CFAP54: variants seen among roughly 807,000 people sequenced by gnomAD.
CFAP54 encodes the protein cilia and flagella associated protein 54.
CFAP54 carries 290 observed loss-of-function variants against 370.4 expected under a neutral mutation model. The observed-to-expected ratio is 0.78, with a 90% CI of 0.71 to 0.86. CFAP54 has a LOEUF of 0.86. Ranked by LOEUF, CFAP54 falls within the 40% of genes least tolerant of loss-of-function variation. CFAP54 has a pLI of 0.00. For synonymous variants in CFAP54, 1,206 were observed against 1,236.5 expected, an observed-to-expected ratio of 0.98 and a Z score of 0.52; for missense variants, 3,399 against 3,528.7, an observed-to-expected ratio of 0.96 and a Z score of 0.93.
chr12:96,507,152 A>G lies in CFAP54; in HGVS notation c.739+53A>G, dbSNP rs939357740. The G allele has an allele frequency of 1.6e-5, 22 of 1,351,562 alleles. No homozygotes were observed. The Middle Eastern group carries it at 2.2e-3, about 135-fold the overall frequency. The allele number at this position is 1,351,562 out of a possible 1,614,324, so 83.7% of individuals were successfully genotyped here. A position where few individuals can be genotyped will look rare whatever the true frequency, so the allele number is the denominator to read the frequency against. On this transcript the variant is annotated intron_variant, in intron 4 of 67. Coordinates refer to ENST00000524981, the MANE Select transcript of CFAP54 (RefSeq NM_001306084.2). ...TTGTGTCTTTCAGAAAGTTACTTCA[A>G]TGCTAAGTTTGACAGTAGCTTGAGT...
chr12:96,615,067 C>A (rs1956400564), intron 26 of CFAP54, among the ~76,000 whole-genome samples: 1 of 152,026 alleles, frequency 6.6e-6, no homozygotes, highest in African/African-American at 2.4e-5. Flanking sequence ...AATCCTAAGC[C>A]AAAAGAACAA....
rs565401531 is a variant in CFAP54 at position 96,753,969 on chromosome 12, T to C, written c.7840+71T>C. The C allele has an allele frequency of 3.4e-5, 51 of 1,498,678 alleles. No homozygotes were observed. In the Admixed American group the frequency reaches 4.4e-4, roughly 13 times the overall value. 92.8% of individuals were successfully genotyped at this position (1,498,678 alleles called of 1,614,324 possible). A position where few individuals can be genotyped will look rare whatever the true frequency, so the allele number is the denominator to read the frequency against. On this transcript the variant is annotated intron_variant, in intron 56 of 67. Transcript: ENST00000524981. ...CTTTTTTCTGTCAACAACAGGATTCTTGAAAATCTGGTCCCTGACTATAAA... is the reference window on the plus strand; with the variant it reads ...CTTTTTTCTGTCAACAACAGGATTCCTGAAAATCTGGTCCCTGACTATAAA...
At chr12:96,570,924 G>A (rs1174311897) in intron 19 of CFAP54, among the ~76,000 whole-genome samples, 1 of 151,994 alleles carries the variant, frequency 6.6e-6, no homozygotes, top group Non-Finnish European at 1.5e-5. Context: ...CTTATTACTT[G>A]TATATTTTAT....
chr12:96,677,959 C>T (rs1957229858), intron 39 of CFAP54, among the ~76,000 whole-genome samples: 1 of 152,140 alleles, frequency 6.6e-6, no homozygotes, highest in Admixed American at 6.5e-5. Context: ...TAGGCTCATT[C>T]CCATCCTATT....
intron 60 of CFAP54, among the ~76,000 whole-genome samples, chr12:96,780,744 G>A (rs748440440): frequency 8.5e-5 from 13 of 152,134 alleles, no homozygotes; most frequent in Non-Finnish European, 1.6e-4. Flanking sequence ...ATAACGAGGA[G>A]TTGATAAAAA....
chr12:96,732,718 T>A (rs1028137629), intron 50 of CFAP54, among the ~76,000 whole-genome samples: 1 of 152,226 alleles, frequency 6.6e-6, no homozygotes, highest in East Asian at 1.9e-4. Context: ...AACCACTGGC[T>A]TAGAATATTG....
chr12:96,648,143 T>A (rs1410377093), intron 34 of CFAP54, 126 bp downstream of exon 34: 2 of 611,992 alleles, frequency 3.3e-6, no homozygotes, highest in Admixed American at 4.3e-5. Context: ...ACCAGCAATT[T>A]AGTTGAGTTT....
At chr12:96,828,083 A>T (rs201272285) in intron 65 of CFAP54, among the ~76,000 whole-genome samples, 5 of 133,214 alleles carry the variant, frequency 3.8e-5, no homozygotes, top group African/African-American at 1.4e-4. Context: ...TATATATTAT[A>T]TATATTATCA....
At chr12:96,514,120 G>A (rs1441805265) in intron 5 of CFAP54, among the ~76,000 whole-genome samples, 2 of 152,116 alleles carry the variant, frequency 1.3e-5, no homozygotes, top group Non-Finnish European at 2.9e-5. Flanking sequence ...ATATACTCCC[G>A]TTGAGACCCT....
chr12:96,584,169 T>TA (rs11458285), intron 22 of CFAP54, among the ~76,000 whole-genome samples: 36,714 of 149,222 alleles, frequency 0.25, 5,073 homozygotes, highest in African/African-American at 0.38. Context: ...TTCATTCAAA[T>TA]AAAAAAAAAA....
chr12:96,584,275 G>A (rs1233909997), intron 22 of CFAP54, among the ~76,000 whole-genome samples: 1 of 151,888 alleles, frequency 6.6e-6, no homozygotes, highest in African/African-American at 2.4e-5. Context: ...ACCAGCCTGG[G>A]CAACATGGCG....
Position 96,817,783 on chromosome 12 carries a change from C to A in CFAP54, c.8966C>A (p.Ala2989Glu). Residue 2989 changes from alanine (A) to glutamate (E), a missense_variant, in exon 65 of 68, where the codon GCA (alanine) becomes GAA (glutamate). Ala to Glu is a moderately radical substitution (Grantham distance 107). Transcript: ENST00000524981. ...SLWIPLNRVI[A>E]IHEKLSNLAQ... ...ATATTTGTTATTTTCAGGGTTATTG[C>A]AATTCATGAGAAATTATCTAATCTT... 2 of 1,470,872 alleles carry A rather than the reference C, an allele frequency of 1.4e-6. No homozygotes were observed. The highest frequency in any genetic ancestry group is 1.3e-5 in the South Asian group (1 of 74,576). 91.1% of individuals were successfully genotyped at this position (1,470,872 alleles called of 1,614,324 possible).
chr12:96,638,339 G>A (rs1004729812), intron 32 of CFAP54, among the ~76,000 whole-genome samples: 2 of 151,002 alleles, frequency 1.3e-5, no homozygotes, highest in Admixed American at 6.6e-5. Flanking sequence ...GCTTAAGCGC[G>A]ATCCTCCTAC....
chr12:96,517,791 C>A (rs1189726840), intron 5 of CFAP54, among the ~76,000 whole-genome samples: 1 of 152,172 alleles, frequency 6.6e-6, no homozygotes, highest in Non-Finnish European at 1.5e-5. Context: ...GGGGTAAAGC[C>A]ACAGAAGGCC....
intron 8 of CFAP54, among the ~76,000 whole-genome samples, chr12:96,525,114 G>A (rs1275840607): frequency 6.6e-6 from 1 of 151,832 alleles, no homozygotes; most frequent in Non-Finnish European, 1.5e-5. Context: ...TTGCAAGTAC[G>A]AATTTTATCA....
intron 65 of CFAP54, among the ~76,000 whole-genome samples, chr12:96,828,004 T>A (rs1461724778): frequency 1.7e-5 from 2 of 121,160 alleles, no homozygotes; most frequent in African/African-American, 6.4e-5. Context: ...ATATATAATA[T>A]ATAATTATAT....
intron 4 of CFAP54, among the ~76,000 whole-genome samples, chr12:96,510,537 A>G (rs1955154096): frequency 6.6e-6 from 1 of 152,136 alleles, no homozygotes; most frequent in African/African-American, 2.4e-5. Flanking sequence ...GTTCCCCGTT[A>G]CTGGCATGTT....
At chr12:96,821,391 C>T (rs1243692661) in intron 65 of CFAP54, among the ~76,000 whole-genome samples, 1 of 152,158 alleles carries the variant, frequency 6.6e-6, no homozygotes, top group African/African-American at 2.4e-5. Flanking sequence ...CCTGTTCCAA[C>T]TGAAATGGTG....
chr12:96,544,975 G>A (rs375611504), intron 14 of CFAP54, among the ~76,000 whole-genome samples: 12 of 151,508 alleles, frequency 7.9e-5, no homozygotes, highest in African/African-American at 1.2e-4. Context: ...GCGGTGGCAC[G>A]ATCTTGGCTC....
Sources: allele counts gnomAD v4.1 joint callset (sites outside exome capture counted in the v4.1 genomes callset), GRCh38; gene constraint gnomAD v4.1.1; transcripts MANE v1.5; gene names NCBI Gene and HGNC (gene_info 2026-07-23, HGNC 2026-07-21).